The following SEMA6A variants were observed in gnomAD, a reference collection of about 807,000 sequenced individuals.
SEMA6A encodes semaphorin 6A, also known as semaphorin-6A.
SEMA6A carries 25 observed loss-of-function variants against 96.8 expected under a neutral mutation model. That is an observed-to-expected ratio of 0.26 (90% CI 0.19 to 0.36). The LOEUF (loss-of-function observed/expected upper bound fraction) is 0.36, where lower values mean the gene tolerates loss of function less well. SEMA6A is among the 10% of genes least tolerant of loss of function. The probability of loss-of-function intolerance (pLI) is 1.00; values close to 1 mark genes in which losing one functional copy is unlikely to be tolerated. For synonymous variants in SEMA6A, 612 were observed against 518.0 expected (o/e 1.18, Z -2.46); for missense variants, 1,363 against 1,323.1 (o/e 1.03, Z -0.47).
chr5:116,492,645 G>A (rs533606317), intron 6 of SEMA6A, among the ~76,000 whole-genome samples: 1 of 152,220 alleles, frequency 6.6e-6, no homozygotes, highest in Non-Finnish European at 1.5e-5. Flanking sequence ...AGATAATCTT[G>A]ATAATCTAAT....
intron 18 of SEMA6A, among the ~76,000 whole-genome samples, chr5:116,456,224 A>C (rs1467363803): frequency 1.3e-5 from 2 of 152,162 alleles, no homozygotes; most frequent in Non-Finnish European, 2.9e-5. Context: ...CATCACCTGG[A>C]ACTAATTAGA....
Position 116,446,795 on chromosome 5 carries a change from C to A in SEMA6A, c.2911G>T (p.Val971Leu). The A allele has an allele frequency of 6.2e-7, 1 of 1,612,982 alleles. No individual in the cohort carries two copies. The highest frequency in any genetic ancestry group is 8.5e-7 in the Non-Finnish European group (1 of 1,179,444). The change falls in exon 19 of 19, where the codon GTG becomes TTG. Residue 971 changes from valine (V) to leucine (L), a missense_variant. By Grantham distance (32) the Val-to-Leu change is conservative. Transcript: ENST00000343348. ...TGGCCAGATGGCTGGGAGCTGTGCA[C>A]CTGGATGGAGTCCACCCTCTGCGGG... ...PAPQRVDSIQ[V>L]HSSQPSGQAV... is the part of the protein sequence containing the mutation.
intron 5 of SEMA6A, chr5:116,495,723 G>T (rs1380058354): frequency 3.9e-6 from 2 of 506,524 alleles, no homozygotes; most frequent in Admixed American, 3.6e-5. Flanking sequence ...ACAAAGCATA[G>T]AATGGAAGAT....
intron 1 of SEMA6A, among the ~76,000 whole-genome samples, chr5:116,546,808 C>G (rs1169312425): frequency 2.6e-5 from 4 of 152,208 alleles, no homozygotes; most frequent in African/African-American, 9.6e-5. Context: ...TCAGAGCCTG[C>G]AAACTATACT....
intron 1 of SEMA6A, among the ~76,000 whole-genome samples, chr5:116,548,897 G>A (rs1189580285): frequency 1.3e-5 from 2 of 152,156 alleles, no homozygotes; most frequent in African/African-American, 4.8e-5. Flanking sequence ...TTCTCTATCT[G>A]CAATTTCTAC....
chr5:116,513,255 G>A (rs999242635), intron 1 of SEMA6A, among the ~76,000 whole-genome samples: 1 of 152,046 alleles, frequency 6.6e-6, no homozygotes, highest in African/African-American at 2.4e-5. Context: ...AGCCTCCTGA[G>A]TAGCTGGGAT....
Position 116,489,116 on chromosome 5 carries a change from G to C in SEMA6A, c.536-109C>G, listed in dbSNP as rs1412068278. On this transcript the variant is annotated intron_variant, in intron 7 of 18. Coordinates refer to ENST00000343348, the MANE Select transcript of SEMA6A (RefSeq NM_020796.5). The stretch of plus-strand genomic sequence containing the variant: ...TTTCCAACATCAGGCAAATGAGATA[G>C]CACAACTGGGAAAAATCCAAGAGTC... 6.6e-6 allele frequency: 8 copies of C among 1,214,866 alleles called. No individual in the cohort carries two copies. In the South Asian group the frequency reaches 1.0e-4, roughly 15 times the overall value. 75.3% of individuals were successfully genotyped at this position (1,214,866 alleles called of 1,614,324 possible).
At chr5:116,522,754 G>A (rs938076294) in intron 1 of SEMA6A, among the ~76,000 whole-genome samples, 4 of 151,840 alleles carry the variant, frequency 2.6e-5, no homozygotes, top group Admixed American at 1.3e-4. Context: ...CTATCTGCAC[G>A]TTGATTTCTG....
Position 116,497,473 on chromosome 5 carries a change from C to A in SEMA6A, c.219-86G>T. On this transcript the variant is annotated intron_variant, in intron 3 of 18. Transcript: ENST00000343348. ...CTTAATGAGTTATGTCTTATCAGGGCAGATAAGCCCATATCCATGTTCATG... is the reference window on the plus strand; with the variant it reads ...CTTAATGAGTTATGTCTTATCAGGGAAGATAAGCCCATATCCATGTTCATG... 4 of 748,466 alleles carry A rather than the reference C, an allele frequency of 5.3e-6. No homozygotes were observed. In the South Asian group the frequency reaches 7.6e-5, roughly 14 times the overall value. 46.4% of individuals were successfully genotyped at this position (748,466 alleles called of 1,614,324 possible).
intron 6 of SEMA6A, 43 bp from the exon 7 acceptor site, chr5:116,491,873 C>A: frequency 1.4e-6 from 2 of 1,472,332 alleles, no homozygotes; most frequent in Middle Eastern, 1.7e-4. Context: ...ACAACCTTTT[C>A]TTTTGCCCTA....
At chr5:116,478,313 T>C (rs572052598) in intron 13 of SEMA6A, 159 bp from the exon 14 acceptor site, 7 of 814,116 alleles carry the variant, frequency 8.6e-6, no homozygotes, top group East Asian at 2.7e-5. Context: ...AACACACACA[T>C]GTATATGTAT....
At chr5:116,483,958 G>C (rs190246764) in intron 10 of SEMA6A, among the ~76,000 whole-genome samples, 3 of 151,786 alleles carry the variant, frequency 2.0e-5, no homozygotes, top group Admixed American at 6.6e-5. Flanking sequence ...CAGCTACTCC[G>C]GAGGCTGAAG....
intron 1 of SEMA6A, among the ~76,000 whole-genome samples, chr5:116,510,971 C>T (rs1758375583): frequency 6.6e-6 from 1 of 152,192 alleles, no homozygotes; most frequent in African/African-American, 2.4e-5. Context: ...GCACAGCAAC[C>T]CAGAGAGACA....
At chr5:116,480,333 A>G (rs1056713730) in intron 11 of SEMA6A, 56 bp from the exon 12 acceptor site, 8 of 1,594,958 alleles carry the variant, frequency 5.0e-6, no homozygotes, top group Non-Finnish European at 6.8e-6. Context: ...CTTATGGCAA[A>G]TTCTTTGAAT....
chr5:116,470,778 C>G (rs929009345), intron 17 of SEMA6A, among the ~76,000 whole-genome samples: 11 of 152,184 alleles, frequency 7.2e-5, no homozygotes, highest in Non-Finnish European at 1.5e-4. Context: ...CTCTATGAGC[C>G]TACACTCAGC....
intron 1 of SEMA6A, among the ~76,000 whole-genome samples, chr5:116,526,546 C>A (rs923024316): frequency 3.9e-5 from 6 of 152,122 alleles, no homozygotes; most frequent in Admixed American, 3.9e-4. Flanking sequence ...ATGGGGTAGA[C>A]AGGTATACCA....
intron 17 of SEMA6A, 103 bp from the exon 18 acceptor site, chr5:116,467,850 G>C (rs1755863834): frequency 8.6e-7 from 1 of 1,168,988 alleles, no homozygotes; most frequent in Non-Finnish European, 1.2e-6. Context: ...CTGTAAGACT[G>C]AGAGGAGATG....
intron 1 of SEMA6A, among the ~76,000 whole-genome samples, chr5:116,551,278 T>C (rs973253104): frequency 3.3e-5 from 5 of 149,476 alleles, no homozygotes; most frequent in African/African-American, 1.2e-4. Context: ...TATGCCCGTG[T>C]TACAAGTGTA....
At chr5:116,481,864 T>G (rs1466995321) in intron 11 of SEMA6A, among the ~76,000 whole-genome samples, 1 of 152,030 alleles carries the variant, frequency 6.6e-6, no homozygotes, top group Non-Finnish European at 1.5e-5. Context: ...AAGCCATGAT[T>G]TGGGGAGGAG....
Sources: allele counts gnomAD v4.1 joint callset (sites outside exome capture counted in the v4.1 genomes callset), GRCh38; gene constraint gnomAD v4.1.1; transcripts MANE v1.5; gene names NCBI Gene and HGNC (gene_info 2026-07-23, HGNC 2026-07-21).